DPYD: variants seen among roughly 807,000 people sequenced by gnomAD.
DPYD encodes dihydropyrimidine dehydrogenase [NADP(+)].
Under a neutral mutation model 116.2 loss-of-function variants are expected in DPYD, and 109 were observed. That is an observed-to-expected ratio of 0.94 (90% CI 0.80 to 1.10). DPYD has a LOEUF of 1.10. Among genes scored for constraint, DPYD ranks in the 50% least tolerant of loss-of-function variants. The pLI, the probability that DPYD is intolerant of heterozygous loss-of-function variation, is 0.00. For missense variants in DPYD, 1,302 were observed against 1,254.5 expected, an observed-to-expected ratio of 1.04 and a Z score of -0.57; for synonymous variants, 440 against 432.0, an observed-to-expected ratio of 1.02 and a Z score of -0.23.
intron 11 of DPYD, among the ~76,000 whole-genome samples, chr1:97,558,459 G>A (rs1179911341): frequency 1.3e-5 from 2 of 151,980 alleles, no homozygotes; most frequent in Non-Finnish European, 2.9e-5. Flanking sequence ...TTCATCATGT[G>A]GAGAAAAAGT....
At chr1:97,515,108 G>T (rs1648120623) in intron 13 of DPYD, among the ~76,000 whole-genome samples, 1 of 151,850 alleles carries the variant, frequency 6.6e-6, no homozygotes, top group African/African-American at 2.4e-5. Context: ...CAATCCTCTT[G>T]TATAAAGCAT....
chr1:97,801,260 A>T (rs1251402550), intron 3 of DPYD, among the ~76,000 whole-genome samples: 1 of 151,930 alleles, frequency 6.6e-6, no homozygotes, highest in Non-Finnish European at 1.5e-5. Flanking sequence ...GCCTTCACCA[A>T]GAACCTCTAC....
chr1:97,356,227 T>A (rs1570583859), intron 16 of DPYD, among the ~76,000 whole-genome samples: 1 of 152,344 alleles, frequency 6.6e-6, no homozygotes, highest in African/African-American at 2.4e-5. Flanking sequence ...TTGTGTTATT[T>A]CTTTTAAGAA....
intron 8 of DPYD, among the ~76,000 whole-genome samples, chr1:97,660,436 A>G (rs559090814): frequency 6.6e-6 from 1 of 152,234 alleles, no homozygotes; most frequent in South Asian, 2.1e-4. Flanking sequence ...AAAATGCTTT[A>G]TTTATTCTTT....
At chr1:97,485,109 G>GTCTTTCAA (rs1678546547) in intron 13 of DPYD, among the ~76,000 whole-genome samples, 1 of 152,072 alleles carries the variant, frequency 6.6e-6, no homozygotes, top group Non-Finnish European at 1.5e-5. Flanking sequence ...TATACATTAG[G>GTCTTTCAA]TCTTTCAACA....
chr1:97,686,592 G>A (rs535834363), intron 7 of DPYD, among the ~76,000 whole-genome samples: 4 of 131,572 alleles, frequency 3.0e-5, no homozygotes, highest in South Asian at 4.8e-4. Flanking sequence ...AGCCGAGATC[G>A]CGCCACTGCA....
rs557030924 is a variant in DPYD, at chr1:97,393,468, G to A, written c.1906-11007C>T. ...CTCCCCCCACCCCACAACAGGCCCC[G>A]GTGTGTGATGTTCCCTACCTTGTGT... On this transcript the variant is annotated intron_variant, in intron 14 of 22. Coordinates refer to ENST00000370192, the MANE Select transcript of DPYD (RefSeq NM_000110.4). 8.3e-5 allele frequency among the ~76,000 whole-genome samples: 12 copies of A among 145,274 alleles called. No individual in the cohort carries two copies. In the South Asian group the frequency reaches 1.2e-3, roughly 15 times the overall value.
chr1:97,453,131 C>T (rs949010150), intron 13 of DPYD, among the ~76,000 whole-genome samples: 1 of 152,044 alleles, frequency 6.6e-6, no homozygotes, highest in African/African-American at 2.4e-5. Context: ...GGCCTTCTCA[C>T]GCAGCCTACT....
chr1:97,565,538 A>G (rs1360214507), intron 11 of DPYD, among the ~76,000 whole-genome samples: 1 of 152,106 alleles, frequency 6.6e-6, no homozygotes, highest in Non-Finnish European at 1.5e-5. Flanking sequence ...AGCAAAACAG[A>G]ATGCCTCCCC....
At chr1:97,312,835 TTAAG>T (rs1301958268) in intron 16 of DPYD, among the ~76,000 whole-genome samples, 6 of 151,900 alleles carry the variant, frequency 3.9e-5, no homozygotes, top group African/African-American at 1.4e-4. Flanking sequence ...AACTCTATAC[TTAAG>T]TGTGTTCATG....
intron 19 of DPYD, among the ~76,000 whole-genome samples, chr1:97,225,172 T>C (rs879650837): frequency 2.0e-5 from 3 of 152,064 alleles, no homozygotes; most frequent in African/African-American, 7.2e-5. Context: ...GGAACCTCCA[T>C]ATTGTTTTCC....
chr1:97,545,742 A>G lies in DPYD; in HGVS notation c.1524+3818T>C, dbSNP rs66954483. ...TGGCCCCGAACCGTGAAGAAAGGGA[A>G]TTTCGTGCTCCAACTTTGGCATCCC... On this transcript the variant is annotated intron_variant, in intron 12 of 22. Transcript: ENST00000370192. 8,320 of 1,499,712 alleles carry G rather than the reference A, an allele frequency of 5.5e-3. 372 individuals carry two copies. In the African/African-American group the frequency reaches 0.098, roughly 18 times the overall value. 92.9% of individuals were successfully genotyped at this position (1,499,712 alleles called of 1,614,324 possible). A position where few individuals can be genotyped will look rare whatever the true frequency, so the allele number is the denominator to read the frequency against.
At chr1:97,409,028 G>A (rs893214493) in intron 14 of DPYD, among the ~76,000 whole-genome samples, 2 of 151,952 alleles carry the variant, frequency 1.3e-5, no homozygotes, top group Admixed American at 6.6e-5. Flanking sequence ...GCTTGCAGAC[G>A]GCCTATCATG....
chr1:97,613,027 T>C (rs918377106), intron 8 of DPYD, among the ~76,000 whole-genome samples: 1 of 152,060 alleles, frequency 6.6e-6, no homozygotes, highest in African/African-American at 2.4e-5. Context: ...CCTAAAATGC[T>C]AAATAGTAGC....
chr1:97,909,901 T>C (rs1161200290), intron 1 of DPYD, among the ~76,000 whole-genome samples: 1 of 152,120 alleles, frequency 6.6e-6, no homozygotes, highest in Non-Finnish European at 1.5e-5. Flanking sequence ...AATAGTGATT[T>C]CAAACTGAAT....
intron 20 of DPYD, among the ~76,000 whole-genome samples, chr1:97,159,908 CCCTT>C (rs1414833648): frequency 2.6e-5 from 4 of 151,874 alleles, no homozygotes; most frequent in African/African-American, 9.7e-5. Context: ...TCATCTTCCT[CCCTT>C]ATCTCCCTCC....
At chr1:97,463,775 T>TGGCA in intron 13 of DPYD, among the ~76,000 whole-genome samples, 1 of 152,318 alleles carries the variant, frequency 6.6e-6, no homozygotes, top group East Asian at 1.9e-4. Flanking sequence ...GCAAAGAGAC[T>TGGCA]GGCAGCATTT....
chr1:97,198,926 T>C (rs1434295367), intron 19 of DPYD, among the ~76,000 whole-genome samples: 1 of 152,130 alleles, frequency 6.6e-6, no homozygotes, highest in Non-Finnish European at 1.5e-5. Flanking sequence ...GCAGCGTGAT[T>C]TGACGTGTTC....
intron 20 of DPYD, among the ~76,000 whole-genome samples, chr1:97,104,593 G>A (rs1270837089): frequency 6.6e-6 from 1 of 152,044 alleles, no homozygotes; most frequent in African/African-American, 2.4e-5. Context: ...GGTGTCATCC[G>A]AGCTAAACTC....
Sources: allele counts gnomAD v4.1 joint callset (sites outside exome capture counted in the v4.1 genomes callset), GRCh38; gene constraint gnomAD v4.1.1; transcripts MANE v1.5; gene names NCBI Gene and HGNC (gene_info 2026-07-23, HGNC 2026-07-21).